The following HSD17B6 variants were observed in gnomAD, a reference collection of about 807,000 sequenced individuals.
HSD17B6 encodes hydroxysteroid 17-beta dehydrogenase 6.
Under a neutral mutation model 26.4 loss-of-function variants are expected in HSD17B6, and 16 were observed. The observed-to-expected ratio is 0.61, with a 90% confidence interval of 0.41 to 0.92. The LOEUF (loss-of-function observed/expected upper bound fraction) is 0.92. Among genes scored for constraint, HSD17B6 ranks in the 40% least tolerant of loss-of-function variants. The pLI is 0.00. For synonymous variants in HSD17B6, 139 were observed against 153.0 expected, an observed-to-expected ratio of 0.91 and a Z score of 0.68; for missense variants, 357 against 386.1, an observed-to-expected ratio of 0.92 and a Z score of 0.63.
intron 3 of HSD17B6, among the ~76,000 whole-genome samples, chr12:56,782,612 A>G (rs1483559059): frequency 1.3e-5 from 2 of 150,980 alleles, no homozygotes; most frequent in East Asian, 1.9e-4. Context: ...TTCCACCTCA[A>G]CTTCCCTGGT....
At chr12:56,767,217 A>C (rs996219106) in intron 1 of HSD17B6, among the ~76,000 whole-genome samples, 1 of 152,080 alleles carries the variant, frequency 6.6e-6, no homozygotes, top group Non-Finnish European at 1.5e-5. Flanking sequence ...AGTGGGCATA[A>C]TAATTGCATA....
At chr12:56,767,145 T>C (rs1477695418) in intron 1 of HSD17B6, among the ~76,000 whole-genome samples, 2 of 152,110 alleles carry the variant, frequency 1.3e-5, no homozygotes, top group Admixed American at 1.3e-4. Flanking sequence ...TTCACTCTGT[T>C]TCACCTTGGA....
At chr12:56,770,863 T>C (rs1954455488) in intron 1 of HSD17B6, among the ~76,000 whole-genome samples, 1 of 152,212 alleles carries the variant, frequency 6.6e-6, no homozygotes, top group Admixed American at 6.5e-5. Flanking sequence ...CTCTGTCTAG[T>C]ACTGTATGTA....
chr12:56,768,146 C>A (rs1324251453), intron 1 of HSD17B6, among the ~76,000 whole-genome samples: 1 of 152,060 alleles, frequency 6.6e-6, no homozygotes, highest in Non-Finnish European at 1.5e-5. Flanking sequence ...AAGCAATCTT[C>A]TTCTTCTTCA....
At position 56,787,270 on chromosome 12, in the gene HSD17B6, A is replaced by G; in HGVS notation, c.882A>G (p.Leu294=). 2 of 1,614,128 alleles carry G rather than the reference A, an allele frequency of 1.2e-6. No homozygotes were observed. Among genetic ancestry groups the G allele is most frequent in the African/African-American group, 1.3e-5 (1 of 75,022 alleles). The stretch of plus-strand genomic sequence containing the variant: ...ATGCTAAATTTTTCTTCATCCCTCT[A>G]TCTTATTTACCTACATCACTGGCAG... The part of the protein sequence containing the change: ...GWDAKFFFIP[L]SYLPTSLADY... The change falls in exon 5 of 5, where the codon CTA becomes CTG. Residue 294 remains leucine, a synonymous_variant. Coordinates refer to ENST00000322165, the MANE Select transcript of HSD17B6 (RefSeq NM_003725.4).
At chr12:56,769,353 C>G (rs1007922956) in intron 1 of HSD17B6, among the ~76,000 whole-genome samples, 1 of 152,122 alleles carries the variant, frequency 6.6e-6, no homozygotes, top group African/African-American at 2.4e-5. Context: ...CTGCCTGCCT[C>G]AGCTTCCCAA....
At chr12:56,773,562 C>T (rs115438473) in intron 1 of HSD17B6, among the ~76,000 whole-genome samples, 18 of 152,330 alleles carry the variant, frequency 1.2e-4, no homozygotes, top group African/African-American at 4.1e-4. Flanking sequence ...GGAAGTAGTA[C>T]CAAAATCATT....
intron 2 of HSD17B6, among the ~76,000 whole-genome samples, chr12:56,778,026 G>T (rs1954630199): frequency 6.6e-6 from 1 of 152,114 alleles, no homozygotes; most frequent in African/African-American, 2.4e-5. Flanking sequence ...TTGAAGATAT[G>T]GGCCTCTCTT....
intron 2 of HSD17B6, among the ~76,000 whole-genome samples, chr12:56,780,824 G>A (rs1954700371): frequency 6.8e-6 from 1 of 147,846 alleles, no homozygotes; most frequent in South Asian, 2.2e-4. Flanking sequence ...ACTCCAGCCT[G>A]GGCGAGACTC....
intron 1 of HSD17B6, among the ~76,000 whole-genome samples, chr12:56,772,306 C>G (rs575064293): frequency 9.9e-5 from 15 of 152,266 alleles, no homozygotes; most frequent in African/African-American, 3.1e-4. Flanking sequence ...GTATTGTTCA[C>G]TCTTGTGTAT....
At chr12:56,785,571 G>T (rs762140980) in intron 4 of HSD17B6, among the ~76,000 whole-genome samples, 52 of 152,342 alleles carry the variant, frequency 3.4e-4, no homozygotes, top group Middle Eastern at 3.4e-3. Context: ...TTGAGGAGGG[G>T]GACATATAGG....
intron 1 of HSD17B6, among the ~76,000 whole-genome samples, chr12:56,773,186 C>T (rs1420328142): frequency 6.6e-6 from 1 of 152,192 alleles, no homozygotes; most frequent in Non-Finnish European, 1.5e-5. Context: ...CCTAATGGAT[C>T]TCACTGCCTT....
intron 4 of HSD17B6, among the ~76,000 whole-genome samples, chr12:56,786,470 G>C (rs930184657): frequency 6.6e-6 from 1 of 152,018 alleles, no homozygotes; most frequent in African/African-American, 2.4e-5. Flanking sequence ...TGCCGGTCTC[G>C]AACTCCTGAC....
At chr12:56,783,951 C>T (rs1954810745) in intron 3 of HSD17B6, among the ~76,000 whole-genome samples, 1 of 151,730 alleles carries the variant, frequency 6.6e-6, no homozygotes, top group Non-Finnish European at 1.5e-5. Flanking sequence ...GGTCTCCTCA[C>T]TTCTCAGACG....
intron 1 of HSD17B6, among the ~76,000 whole-genome samples, chr12:56,767,819 ATG>A (rs936437621): frequency 3.4e-5 from 5 of 146,982 alleles, no homozygotes; most frequent in Admixed American, 2.1e-4. Context: ...TATAATATAT[ATG>A]TGTGTATATA....
chr12:56,768,980 T>C (rs961099350), intron 1 of HSD17B6, among the ~76,000 whole-genome samples: 3 of 142,098 alleles, frequency 2.1e-5, no homozygotes, highest in African/African-American at 8.0e-5. Flanking sequence ...ATTGCAGTAA[T>C]AGAGAGAGAC....
At chr12:56,783,880 C>T (rs1232122413) in intron 3 of HSD17B6, among the ~76,000 whole-genome samples, 24 of 150,936 alleles carry the variant, frequency 1.6e-4, no homozygotes, top group African/African-American at 4.1e-4. Context: ...ACTTCCCAGA[C>T]GGGGTGGCAG....
chr12:56,781,925 G>A (rs376554459), intron 2 of HSD17B6, 49 bp from the exon 3 acceptor site: 67 of 1,584,556 alleles, frequency 4.2e-5, no homozygotes, highest in Non-Finnish European at 5.2e-5. Flanking sequence ...TCAAAATAGA[G>A]TATTTTTGCC....
intron 3 of HSD17B6, among the ~76,000 whole-genome samples, chr12:56,782,660 A>ATTTTTTTTTTT (rs62818963): frequency 3.0e-5 from 4 of 133,108 alleles, no homozygotes; most frequent in Non-Finnish European, 1.6e-5. Flanking sequence ...TGCCCAGCTA[A>ATTTTTTTTTTT]TTTTTTTTTT....
Sources: gnomAD v4.1 joint callset for allele counts (sites outside exome capture counted in the v4.1 genomes callset) on GRCh38, gnomAD v4.1.1 for gene constraint, MANE v1.5 for transcripts, NCBI Gene and HGNC (gene_info 2026-07-23, HGNC 2026-07-21) for gene names.